The following ATP7B variants were observed in gnomAD, a reference collection of about 807,000 sequenced individuals.
ATP7B encodes ATPase copper transporting beta.
Under a neutral mutation model 118.9 loss-of-function variants are expected in ATP7B, and 113 were observed. That is an observed-to-expected ratio of 0.95 (90% confidence interval 0.82 to 1.11). The LOEUF (loss-of-function observed/expected upper bound fraction) is 1.11. ATP7B is among the 50% of genes most tolerant of loss of function. The pLI, the probability that ATP7B is intolerant of heterozygous loss-of-function variation, is 0.00. For synonymous variants in ATP7B, 777 were observed against 727.4 expected (o/e 1.07, Z -1.10); for missense variants, 1,867 against 1,871.4 (o/e 1.00, Z 0.04).
chr13:51,955,314 G>A (rs933961646), intron 9 of ATP7B, among the ~76,000 whole-genome samples: 34 of 152,192 alleles, frequency 2.2e-4, no homozygotes, highest in Non-Finnish European at 5.9e-5. Flanking sequence ...GGCAATCCAG[G>A]CGGCAGTGGG....
intron 1 of ATP7B, among the ~76,000 whole-genome samples, chr13:51,996,089 T>C (rs978524226): frequency 2.0e-5 from 3 of 152,210 alleles, no homozygotes; most frequent in African/African-American, 7.2e-5. Context: ...GCGTGCAGAA[T>C]ACTTGGTGAG....
intron 6 of ATP7B, 117 bp from the exon 7 acceptor site, chr13:51,960,439 G>C (rs369440874): frequency 8.0e-7 from 1 of 1,254,402 alleles, no homozygotes; most frequent in Non-Finnish European, 1.1e-6. Flanking sequence ...GTCTGGGACA[G>C]ACCACCAGGG....
intron 1 of ATP7B, among the ~76,000 whole-genome samples, chr13:51,976,902 T>C (rs1167975442): frequency 6.6e-6 from 1 of 152,148 alleles, no homozygotes; most frequent in African/African-American, 2.4e-5. Flanking sequence ...GGTGAATGAG[T>C]GTTGAGTAGA....
intron 5 of ATP7B, among the ~76,000 whole-genome samples, chr13:51,962,395 A>G (rs1958809743): frequency 6.6e-6 from 1 of 152,174 alleles, no homozygotes; most frequent in East Asian, 1.9e-4. Context: ...GTGCCCCAAC[A>G]GAGCCTACAC....
Position 51,934,969 on chromosome 13 carries a change from C to G in ATP7B, c.4185G>C (p.Leu1395=), listed in dbSNP as rs368801566. 1.2e-5 allele frequency: 19 copies of G among 1,614,074 alleles called. No individual in the cohort carries two copies. Among genetic ancestry groups the G allele is most frequent in the Non-Finnish European group, 1.6e-5 (19 of 1,180,044 alleles). The change falls in exon 21 of 21, where the codon CTG becomes CTC. Residue 1395 remains leucine, a synonymous_variant. Coordinates refer to ENST00000242839, the MANE Select transcript of ATP7B (RefSeq NM_000053.4). ...EAQAHGHMKP[L]TASQVSVHIG... ...TGTGCACACTGACCTGGGATGCCGT[C>G]AGGGGCTTCATGTGGCCATGCGCCT...
At chr13:51,965,102 G>T in intron 4 of ATP7B, 69 bp from the exon 5 acceptor site, 1 of 1,600,210 alleles carries the variant, frequency 6.2e-7, no homozygotes, top group Non-Finnish European at 8.5e-7. Context: ...CCAGTCCAGG[G>T]AGTCTAGGTA....
rs555914033 is a variant in ATP7B at position 51,999,837 on chromosome 13, G to A, written c.51+11450C>T. Reference sequence around the variant, plus strand: ...CTACCCCCTAGTCCGCTCACCCTTCGCTCTCCGAGACAGTGGTCCTATCCC... The same window carrying A: ...CTACCCCCTAGTCCGCTCACCCTTCACTCTCCGAGACAGTGGTCCTATCCC... On this transcript the variant is annotated intron_variant, in intron 1 of 20. Transcript: ENST00000242839. Among the ~76,000 whole-genome samples the A allele has an allele frequency of 5.9e-5, 9 of 152,206 alleles. No homozygotes were observed. The South Asian group carries it at 1.7e-3, about 28-fold the overall frequency.
chr13:51,974,020 T>C lies in ATP7B; in HGVS notation c.1200A>G (p.Thr400=), dbSNP rs1413846557. 4 of 1,614,146 alleles carry C rather than the reference T, an allele frequency of 2.5e-6. No homozygotes were observed. Among genetic ancestry groups the C allele is most frequent in the Non-Finnish European group, 3.4e-6 (4 of 1,180,060 alleles). The change falls in exon 2 of 21, where the codon ACA becomes ACG. Residue 400 remains threonine, a synonymous_variant. Transcript: ENST00000242839. ...ISVSLAEGTA[T]VLYNPSVISP... ...TAATTACAGAGGGATTATAAAGAAC[T>C]GTTGCAGTCCCTTCGGCCAAAGACA...
At chr13:51,986,593 C>A (rs936625741) in intron 1 of ATP7B, among the ~76,000 whole-genome samples, 1 of 152,186 alleles carries the variant, frequency 6.6e-6, no homozygotes, top group Non-Finnish European at 1.5e-5. Flanking sequence ...GACACCAAAA[C>A]CTTGCAGAGA....
At chr13:52,011,996 C>T (rs1011525650), upstream of ATP7B, 2 of 326,212 alleles carry the variant, frequency 6.1e-6, no homozygotes, top group Admixed American at 4.6e-5. Flanking sequence ...AAGGAAGCAA[C>T]CGCGGCAAGA....
chr13:52,001,799 T>TA (rs1953502863), intron 1 of ATP7B, among the ~76,000 whole-genome samples: 1 of 151,708 alleles, frequency 6.6e-6, no homozygotes, highest in Non-Finnish European at 1.5e-5. Context: ...CCTTCACATT[T>TA]TTTTTTTTAA....
chr13:52,011,976 G>A (rs1257334435), upstream of ATP7B: 1 of 303,544 alleles, frequency 3.3e-6, no homozygotes, highest in Non-Finnish European at 6.4e-6. Context: ...GCCGGACGCC[G>A]TGGGTCCCAA....
rs375820067 is a variant in ATP7B, at chr13:51,942,537, G to A, written c.3261C>T (p.Thr1087=). 2 of 1,613,986 alleles carry A rather than the reference G, an allele frequency of 1.2e-6. No homozygotes were observed. The highest frequency in any genetic ancestry group is 1.7e-5 in the Admixed American group (1 of 59,996). ...CCTGGAAGTCCGTGCAGTATCCCAA[G>A]GTCTCTGTTCCAAGTTCCTGGGAAG... ...KYCKEELGTE[T]LGYCTDFQAV... is the part of the protein sequence containing the mutation. The change falls in exon 15 of 21, where the codon ACC becomes ACT. Residue 1087 remains threonine, a synonymous_variant. Transcript: ENST00000242839.
At chr13:51,944,360 G>A in intron 13 of ATP7B, 69 bp from the exon 14 acceptor site, 1 of 1,590,002 alleles carries the variant, frequency 6.3e-7, no homozygotes, top group Admixed American at 1.7e-5. Context: ...ACACTCCTGA[G>A]GCAGAACTTC....
At chr13:52,005,237 C>G (rs977296790) in intron 1 of ATP7B, among the ~76,000 whole-genome samples, 12 of 152,204 alleles carry the variant, frequency 7.9e-5, no homozygotes, top group African/African-American at 2.4e-4. Flanking sequence ...CCAAATCTTT[C>G]TAAGTTCTGC....
intron 1 of ATP7B, among the ~76,000 whole-genome samples, chr13:51,982,243 A>T (rs1242109301): frequency 6.6e-6 from 1 of 152,218 alleles, no homozygotes; most frequent in African/African-American, 2.4e-5. Flanking sequence ...ATTGCTTTAT[A>T]GTTCAAAGAG....
chr13:51,957,934 C>G (rs1958463836), intron 8 of ATP7B: 1 of 458,608 alleles, frequency 2.2e-6, no homozygotes, highest in East Asian at 4.4e-5. Flanking sequence ...TTGTAAGATA[C>G]ATTTCAGTGT....
Position 51,934,702 on chromosome 13 carries a change from C to A in ATP7B, c.*54G>T. 6.2e-7 allele frequency: 1 copy of A among 1,607,578 alleles called. No homozygotes were observed. The highest frequency in any genetic ancestry group is 1.1e-5 in the South Asian group (1 of 90,746). ...CCATCCTGCTGCTGGCTGTCCTGCT[C>A]AGCTTGTGGTGAGTGGAGGCAAGTC... On this transcript the variant is annotated 3_prime_UTR_variant, in exon 21 of 21. Coordinates refer to ENST00000242839, the MANE Select transcript of ATP7B (RefSeq NM_000053.4).
chr13:51,981,779 C>T (rs951969835), intron 1 of ATP7B, among the ~76,000 whole-genome samples: 1 of 152,096 alleles, frequency 6.6e-6, no homozygotes, highest in East Asian at 1.9e-4. Flanking sequence ...TTATGAAATA[C>T]TGATTTTTAA....
Sources: gnomAD v4.1 joint callset for allele counts (sites outside exome capture counted in the v4.1 genomes callset) on GRCh38, gnomAD v4.1.1 for gene constraint, MANE v1.5 for transcripts, NCBI Gene and HGNC (gene_info 2026-07-23, HGNC 2026-07-21) for gene names.